Variants in MDM4 observed in about 807,000 individuals in gnomAD.
MDM4 encodes protein Mdm4.
A neutral mutation model predicts 60.2 loss-of-function variants in MDM4; 2 were observed. That is an observed-to-expected ratio of 0.03 (90% CI 0.01 to 0.10). The LOEUF (loss-of-function observed/expected upper bound fraction) is 0.10. Among genes scored for constraint, MDM4 ranks in the 10% least tolerant of loss-of-function variants. MDM4 has a pLI of 1.00. For synonymous variants in MDM4, 202 were observed against 198.1 expected (o/e 1.02, Z -0.17); for missense variants, 447 against 577.5 (o/e 0.77, Z 2.32).
chr1:204,548,404 GTCAAA>G (rs1227052230), intron 10 of MDM4, among the ~76,000 whole-genome samples: 16 of 152,192 alleles, frequency 1.1e-4, no homozygotes, highest in Non-Finnish European at 7.3e-5. Flanking sequence ...TTCAGCTTAT[GTCAAA>G]TCAAATCCTG....
Position 204,538,320 on chromosome 1 carries a change from A to G in MDM4, c.511+12A>G, listed in dbSNP as rs1661630012. The G allele has an allele frequency of 2.8e-6, 4 of 1,415,178 alleles. No individual in the cohort carries two copies. Among genetic ancestry groups the G allele is most frequent in the Non-Finnish European group, 4.0e-6 (4 of 1,000,210 alleles). 87.7% of individuals were successfully genotyped at this position (1,415,178 alleles called of 1,614,324 possible). A position where few individuals can be genotyped will look rare whatever the true frequency, so the allele number is the denominator to read the frequency against. On this transcript the variant is annotated intron_variant, in intron 7 of 10. Transcript: ENST00000367182. ...ACATTCTAGAGAAGGTATGTTTTGGATTAAGGCTATATAGACTTTTGTTCT... is the reference window on the plus strand; with the variant it reads ...ACATTCTAGAGAAGGTATGTTTTGGGTTAAGGCTATATAGACTTTTGTTCT...
chr1:204,541,771 A>G (rs1020133243), intron 7 of MDM4, among the ~76,000 whole-genome samples: 1 of 152,246 alleles, frequency 6.6e-6, no homozygotes, highest in African/African-American at 2.4e-5. Context: ...CCCTGGCCAC[A>G]GATAAGCCTT....
rs1661016926 is a variant in MDM4 at position 204,532,909 on chromosome 1, T to G, written c.343+663T>G. 18 of 1,504,928 alleles carry G rather than the reference T, an allele frequency of 1.2e-5. No individual in the cohort carries two copies. In the South Asian group the frequency reaches 2.2e-4, roughly 19 times the overall value. The allele number at this position is 1,504,928 out of a possible 1,614,324, so 93.2% of individuals were successfully genotyped here. A position where few individuals can be genotyped will look rare whatever the true frequency, so the allele number is the denominator to read the frequency against. ...TTGAATAAATTCAAGTTTAAATTTT[T>G]TGCCAAGAAAGCTTTATAGGTAATG... On this transcript the variant is annotated intron_variant, in intron 5 of 10. Transcript: ENST00000367182.
rs11290909 is a variant in MDM4 at position 204,520,372 on chromosome 1, C to CTT, written c.-36+3876_-36+3877dup. 1.2e-4 allele frequency among the ~76,000 whole-genome samples: 17 copies of CTT among 141,416 alleles called. No homozygotes were observed. The South Asian group carries it at 3.1e-3, about 26-fold the overall frequency. The allele number at this position is 141,416 out of a possible 152,430, so 92.8% of individuals were successfully genotyped here. ...TCCCAAATTACATGCAACATCCCTG[C>CTT]TTTTTTTTTTTTTTAATAATTAAGA... On this transcript the variant is annotated intron_variant, in intron 1 of 10. Coordinates refer to ENST00000367182, the MANE Select transcript of MDM4 (RefSeq NM_002393.5).
intron 8 of MDM4, among the ~76,000 whole-genome samples, 189 bp from the exon 9 acceptor site, chr1:204,544,346 A>G (rs1662434213): frequency 6.6e-6 from 1 of 152,228 alleles, no homozygotes; most frequent in Non-Finnish European, 1.5e-5. Context: ...CATTATATCC[A>G]TCCATTAGTT....
At chr1:204,538,898 C>G (rs1661710480) in intron 7 of MDM4, among the ~76,000 whole-genome samples, 1 of 127,050 alleles carries the variant, frequency 7.9e-6, no homozygotes, top group African/African-American at 2.9e-5. Context: ...GAGACGGAGT[C>G]TCATTCTTGT....
At chr1:204,522,879 T>TG (rs1558310012) in intron 1 of MDM4, among the ~76,000 whole-genome samples, 1 of 146,948 alleles carries the variant, frequency 6.8e-6, no homozygotes, top group Non-Finnish European at 1.5e-5. Flanking sequence ...TTTTTTTTTT[T>TG]GAGATGGAGT....
chr1:204,529,312 T>A, intron 3 of MDM4: 1 of 769,330 alleles, frequency 1.3e-6, no homozygotes, highest in Non-Finnish European at 2.4e-6. Flanking sequence ...GCCACTGTGA[T>A]CAGAGTCACC....
chr1:204,557,300 G>T lies in MDM4; in HGVS notation c.*7618G>T. On this transcript the variant is annotated 3_prime_UTR_variant, in exon 11 of 11. Transcript: ENST00000367182. The stretch of plus-strand genomic sequence containing the variant: ...ATTCTTTCTTTGATATGAGGCTCTT[G>T]ACCAGAAAAGAGTTCTTTCTCTAGG... The T allele has an allele frequency of 5.3e-6, 1 of 189,044 alleles. No homozygotes were observed. Among genetic ancestry groups the T allele is most frequent in the Non-Finnish European group, 1.1e-5 (1 of 89,912 alleles). The allele number at this position is 189,044 out of a possible 1,614,324, so 11.7% of individuals were successfully genotyped here.
intron 8 of MDM4, among the ~76,000 whole-genome samples, chr1:204,543,854 G>A (rs1242623505): frequency 6.6e-6 from 1 of 152,184 alleles, no homozygotes; most frequent in Non-Finnish European, 1.5e-5. Flanking sequence ...TGAAATGTAA[G>A]GCCAGGGCTT....
chr1:204,535,689 A>C (rs901460018), intron 5 of MDM4, among the ~76,000 whole-genome samples: 2 of 151,806 alleles, frequency 1.3e-5, no homozygotes, highest in Admixed American at 1.3e-4. Context: ...CGCACCACCA[A>C]GCCCGGCTAA....
At chr1:204,535,643 C>T (rs1322153393) in intron 5 of MDM4, among the ~76,000 whole-genome samples, 1 of 152,102 alleles carries the variant, frequency 6.6e-6, no homozygotes, top group Non-Finnish European at 1.5e-5. Context: ...AGGTGATCTC[C>T]TGCCTCAGCC....
At chr1:204,519,189 T>C (rs1397391641) in intron 1 of MDM4, among the ~76,000 whole-genome samples, 1 of 152,202 alleles carries the variant, frequency 6.6e-6, no homozygotes, top group Non-Finnish European at 1.5e-5. Flanking sequence ...TGTTTATCTT[T>C]ACAGCAATAG....
chr1:204,538,717 T>C (rs1661676935), intron 7 of MDM4, among the ~76,000 whole-genome samples: 1 of 151,992 alleles, frequency 6.6e-6, no homozygotes, highest in Admixed American at 6.6e-5. Flanking sequence ...TTTTTTTTTT[T>C]TTTTTGGAGT....
intron 10 of MDM4, among the ~76,000 whole-genome samples, chr1:204,548,656 G>T (rs1433857861): frequency 1.3e-5 from 2 of 152,064 alleles, no homozygotes; most frequent in African/African-American, 4.8e-5. Context: ...AAATTTAGTC[G>T]TTTTCAAATC....
At chr1:204,537,343 T>C (rs1159598941) in intron 5 of MDM4, 87 bp from the exon 6 acceptor site, 1 of 953,698 alleles carries the variant, frequency 1.0e-6, no homozygotes, top group Non-Finnish European at 1.7e-6. Flanking sequence ...TAAACCTGGC[T>C]CCCGGGTTGT....
rs567010741 is a variant in MDM4, at chr1:204,549,001, C to A, written c.904-112C>A. 6.0e-5 allele frequency: 42 copies of A among 702,730 alleles called. No individual in the cohort carries two copies. The African/African-American group carries it at 7.0e-4, about 12-fold the overall frequency. 43.5% of individuals were successfully genotyped at this position (702,730 alleles called of 1,614,324 possible). ...AATTTGCTCAAATCCTAGGCTAGAT[C>A]ACTGGTGTGGAATAGCTTAGTGAGA... On this transcript the variant is annotated intron_variant, in intron 10 of 10. Transcript: ENST00000367182.
chr1:204,554,262 T>G lies in MDM4; in HGVS notation c.*4580T>G, dbSNP rs1663410011. On this transcript the variant is annotated 3_prime_UTR_variant, in exon 11 of 11. Transcript: ENST00000367182. ...AACTAGATATTTGAGTTTTTTCCCC[T>G]CAGAATTATGTGAATTTCTGATATA... 4.4e-6 allele frequency: 1 copy of G among 225,174 alleles called. No homozygotes were observed. The highest frequency in any genetic ancestry group is 5.7e-5 in the Admixed American group (1 of 17,538). The allele number at this position is 225,174 out of a possible 1,614,324, so 13.9% of individuals were successfully genotyped here.
rs1291091383 is a variant in MDM4 at position 204,551,428 on chromosome 1, G to A, written c.*1746G>A. 11 of 213,380 alleles carry A rather than the reference G, an allele frequency of 5.2e-5. No homozygotes were observed. The highest frequency in any genetic ancestry group is 2.3e-4 in the African/African-American group (9 of 39,756). The allele number at this position is 213,380 out of a possible 1,614,324, so 13.2% of individuals were successfully genotyped here. ...GGAGCTGCTTACACCAAGGCAATAC[G>A]CCTTGATATACTGGATGGTTGAGAG... On this transcript the variant is annotated 3_prime_UTR_variant, in exon 11 of 11. Transcript: ENST00000367182.
Sources: gnomAD v4.1 joint callset for allele counts (sites outside exome capture counted in the v4.1 genomes callset) on GRCh38, gnomAD v4.1.1 for gene constraint, MANE v1.5 for transcripts, NCBI Gene and HGNC (gene_info 2026-07-23, HGNC 2026-07-21) for gene names.